MYH8: variants seen among roughly 807,000 people sequenced by gnomAD.
MYH8 encodes myosin-8.
MYH8 carries 168 observed loss-of-function variants against 233.2 expected under a neutral mutation model. The observed-to-expected ratio is 0.72, with a 90% CI of 0.64 to 0.82. The LOEUF (loss-of-function observed/expected upper bound fraction) is 0.82, where lower values mean the gene tolerates loss of function less well. MYH8 is among the 40% of genes least tolerant of loss of function. MYH8 has a pLI of 0.00. For synonymous variants in MYH8, 785 were observed against 850.6 expected (o/e 0.92, Z 1.34); for missense variants, 1,995 against 2,327.8 (o/e 0.86, Z 2.94).
At position 10,419,132 on chromosome 17, in the gene MYH8, ACTGCAAC is replaced by A. The variant is rs1394425750; in HGVS notation, c.211-109_211-103del. The A allele has an allele frequency of 4.4e-6, 6 of 1,353,288 alleles. No homozygotes were observed. The highest frequency in any genetic ancestry group is 1.0e-6 in the Non-Finnish European group (1 of 960,980). The allele number at this position is 1,353,288 out of a possible 1,614,324, so 83.8% of individuals were successfully genotyped here. On this transcript the variant is annotated intron_variant, in intron 3 of 39. Coordinates refer to ENST00000403437, the MANE Select transcript of MYH8 (RefSeq NM_002472.3). This position sits in a 1 kb window ranked among gnomAD's most constrained non-coding sequence, Gnocchi z 4.0. ...GAGTGCAGTGGCGCGATCTCAGCTC[ACTGCAAC>A]CTCCGCCCTCCTGCTTCAAGTGATT...
intron 5 of MYH8, among the ~76,000 whole-genome samples, chr17:10,418,066 T>C (rs1440881373): frequency 1.3e-5 from 2 of 152,220 alleles, no homozygotes; most frequent in Admixed American, 1.3e-4. Flanking sequence ...TAACAGACTT[T>C]GATACAATTT....
In MYH8 at chr17:10,404,457, G is replaced by T. The variant is rs777836357; in HGVS notation, c.2561C>A (p.Thr854Asn). Residue 854 changes from threonine (T) to asparagine (N), a missense_variant, in exon 22 of 40, where the codon ACC becomes AAC. Transcript: ENST00000403437. ...GGTTTTCTGGAATTCTTCCTTCATG[G>T]TGGCCATCTCTTTCTCGGTCTCTGC... ...KSAETEKEMA[T>N]MKEEFQKTKD... 1 of 1,613,752 alleles carries T rather than the reference G, an allele frequency of 6.2e-7. No individual in the cohort carries two copies. Among genetic ancestry groups the T allele is most frequent in the South Asian group, 1.1e-5 (1 of 91,054 alleles).
chr17:10,397,030 A>C (rs2072085981), intron 30 of MYH8, 44 bp from the exon 31 acceptor site: 2 of 1,601,980 alleles, frequency 1.2e-6, no homozygotes, highest in East Asian at 4.5e-5. Flanking sequence ...CAAGACCAGA[A>C]GCAAAGTGAT....
chr17:10,401,009 G>T, intron 25 of MYH8, 37 bp downstream of exon 25: 1 of 1,613,286 alleles, frequency 6.2e-7, no homozygotes, highest in Non-Finnish European at 8.5e-7. Flanking sequence ...ATTGAAAGAT[G>T]ATATCACATA....
Position 10,396,817 on chromosome 17 carries a change from T to A in MYH8, c.4348A>T (p.Arg1450Trp), listed in dbSNP as rs1435075312. Residue 1450 changes from arginine to tryptophan, a missense_variant, in exon 31 of 40, where the codon AGG (arginine) becomes TGG (tryptophan). Arg to Trp is a moderately radical substitution (Grantham distance 101, BLOSUM62 -3). Around this residue, in one of 3 missense-constraint regions of MYH8, gnomAD observed 1,498 missense variants for 1,680.9 expected, o/e 0.89. Coordinates refer to ENST00000403437, the MANE Select transcript of MYH8 (RefSeq NM_002472.3). This position sits in a 1 kb window ranked among gnomAD's most constrained non-coding sequence, Gnocchi z 4.2. ...GTCTGGGCCACCTTGTCAAAGTTCC[T>A]TTGCTTCTTATCAAGGGCTGCACAG... Reference protein sequence around the residue: ...AACAALDKKQRNFDKVLSEWK... With the variant: ...AACAALDKKQWNFDKVLSEWK... 1 of 1,614,214 alleles carries A rather than the reference T, an allele frequency of 6.2e-7. No individual in the cohort carries two copies.
Position 10,406,303 on chromosome 17 carries a change from G to C in MYH8, c.2266C>G (p.His756Asp), listed in dbSNP as rs560062462. The change falls in exon 20 of 40, where the codon CAT becomes GAT. Residue 756 changes from histidine (H) to aspartate (D), a missense_variant. Transcript: ENST00000403437. ...GTATGTCCAAATTTATATTGAGTAT[G>C]ATCAATATCAATAGATGCAAGAAGT... ...EKLLASIDIDHTQYKFGHTKV... is the reference protein window; with the variant it reads ...EKLLASIDIDDTQYKFGHTKV... The C allele has an allele frequency of 6.2e-7, 1 of 1,613,282 alleles. No homozygotes were observed. The highest frequency in any genetic ancestry group is 2.2e-5 in the East Asian group (1 of 44,852).
intron 28 of MYH8, 108 bp from the exon 29 acceptor site, chr17:10,398,994 G>T: frequency 3.2e-6 from 1 of 311,540 alleles, no homozygotes. Flanking sequence ...ATGTGTGTGT[G>T]TATATATATA....
In MYH8 at chr17:10,410,923, T is replaced by C. The variant is rs755349321; in HGVS notation, c.1441A>G (p.Ile481Val). 4 of 1,614,142 alleles carry C rather than the reference T, an allele frequency of 2.5e-6. No individual in the cohort carries two copies. The highest frequency in any genetic ancestry group is 2.2e-5 in the South Asian group (2 of 91,066). ...TGCAGTTTCTCGTTGGTGAAGTTGA[T>C]GCACAGCTGCTCCAGGCTGTTAAAC... ...FDFNSLEQLC[I>V]NFTNEKLQQF... Residue 481 changes from isoleucine to valine, a missense_variant, in exon 15 of 40, where the codon ATC (isoleucine) becomes GTC (valine). Physicochemically the swap from Ile to Val is conservative, Grantham distance 29. Coordinates refer to ENST00000403437, the MANE Select transcript of MYH8 (RefSeq NM_002472.3).
Position 10,415,536 on chromosome 17 carries a change from A to T in MYH8, c.584T>A (p.Ile195Asn). The part of the protein sequence containing the change: ...AGKTVNTKRV[I>N]QYFATIAVTG... ...AACTGCAATTGTTGCAAAGTATTGG[A>T]TGACACGCTTGGTGTTCACAGTCTT... The change falls in exon 7 of 40, where the codon ATC becomes AAC. Residue 195 changes from isoleucine to asparagine, a missense_variant. By Grantham distance (149) the Ile-to-Asn change is moderately radical. Coordinates refer to ENST00000403437, the MANE Select transcript of MYH8 (RefSeq NM_002472.3). This position sits in a 1 kb window ranked among gnomAD's most constrained non-coding sequence, Gnocchi z 4.1. The T allele has an allele frequency of 6.2e-7, 1 of 1,614,206 alleles. No homozygotes were observed. Among genetic ancestry groups the T allele is most frequent in the African/African-American group, 1.3e-5 (1 of 75,060 alleles).
chr17:10,413,007 G>A (rs1008501537), intron 12 of MYH8, among the ~76,000 whole-genome samples: 3 of 152,186 alleles, frequency 2.0e-5, no homozygotes, highest in Non-Finnish European at 4.4e-5. Flanking sequence ...TTTTTTGTAA[G>A]TAAAAGCCAT....
intron 22 of MYH8, among the ~76,000 whole-genome samples, chr17:10,403,420 G>A (rs370375419): frequency 1.3e-5 from 2 of 151,992 alleles, no homozygotes; most frequent in Non-Finnish European, 2.9e-5. Context: ...TTTAAAAAAC[G>A]TTTAAATGGA....
chr17:10,397,251 A>G (rs1185437219), intron 30 of MYH8, among the ~76,000 whole-genome samples: 11 of 151,966 alleles, frequency 7.2e-5, no homozygotes, highest in Non-Finnish European at 1.2e-4. Flanking sequence ...TAATTTTTGT[A>G]TATATGTATA....
rs1300254188 is a variant in MYH8 at position 10,414,502 on chromosome 17, T to A, written c.806-18A>T. 1 of 1,538,520 alleles carries A rather than the reference T, an allele frequency of 6.5e-7. No individual in the cohort carries two copies. Among genetic ancestry groups the A allele is most frequent in the Non-Finnish European group, 9.0e-7 (1 of 1,112,130 alleles). On this transcript the variant is annotated intron_variant, in intron 9 of 39. Coordinates refer to ENST00000403437, the MANE Select transcript of MYH8 (RefSeq NM_002472.3). ...TAAAAGATCTGGAGAGGGAAATAGATATCGAGTTTGAAAAAAGTATCAATG... is the reference window on the plus strand; with the variant it reads ...TAAAAGATCTGGAGAGGGAAATAGAAATCGAGTTTGAAAAAAGTATCAATG...
rs61730805 is a variant in MYH8, at chr17:10,395,371, A to C, written c.4724T>G (p.Val1575Gly). Residue 1575 changes from valine to glycine, a missense_variant, in exon 34 of 40, where the codon GTT (valine) becomes GGT (glycine). Transcript: ENST00000403437. ...ATCCTTTTCTGCGATTTTTCTATCAACTTCAGACTTGACTTGGTTTAACTC... is the reference window on the plus strand; with the variant it reads ...ATCCTTTTCTGCGATTTTTCTATCACCTTCAGACTTGACTTGGTTTAACTC... ...QLELNQVKSE[V>G]DRKIAEKDEE... 1 of 1,614,126 alleles carries C rather than the reference A, an allele frequency of 6.2e-7. No individual in the cohort carries two copies. The highest frequency in any genetic ancestry group is 1.1e-5 in the South Asian group (1 of 91,080).
Position 10,414,434 on chromosome 17 carries a change from A to G in MYH8, c.856T>C (p.Tyr286His). Residue 286 changes from tyrosine to histidine, a missense_variant, in exon 10 of 40, where the codon TAC becomes CAC. Physicochemically the swap from Tyr to His is moderately conservative, Grantham distance 83. This residue lies in a region of MYH8 where 479 missense variants were observed against 600.9 expected (regional missense o/e 0.80). Transcript: ENST00000403437. ...GAAGTGATCTGATAAAAAATATGGTAGCTTCTTTCCGCCTTTAGCTGGAAA... is the reference window on the plus strand; with the variant it reads ...GAAGTGATCTGATAAAAAATATGGTGGCTTCTTTCCGCCTTTAGCTGGAAA... The part of the protein sequence containing the change: ...VTFQLKAERS[Y>H]HIFYQITSNK... The G allele has an allele frequency of 3.1e-6, 5 of 1,613,714 alleles. No homozygotes were observed. The highest frequency in any genetic ancestry group is 4.2e-6 in the Non-Finnish European group (5 of 1,179,638).
chr17:10,420,306 A>C, intron 2 of MYH8, 49 bp from the exon 3 acceptor site: 1 of 1,497,936 alleles, frequency 6.7e-7, no homozygotes, highest in South Asian at 1.2e-5. Context: ...CAGAAGTCAC[A>C]AATGTGAGTT....
rs1435028655 is a variant in MYH8, at chr17:10,420,261, G to C, written c.-30-4C>G. 1.2e-6 allele frequency: 2 copies of C among 1,608,786 alleles called. No individual in the cohort carries two copies. Among genetic ancestry groups the C allele is most frequent in the Admixed American group, 3.3e-5 (2 of 59,894 alleles). On this transcript the variant is annotated splice_region_variant and splice_polypyrimidine_tract_variant and intron_variant, in intron 2 of 39. Coordinates refer to ENST00000403437, the MANE Select transcript of MYH8 (RefSeq NM_002472.3). ...TTTATTTAGCAAAGGATTCTGCCTA[G>C]GGAGGAGAGAAACGGGAGAGAGAGA...
At chr17:10,395,616 A>T (rs1190176562) in intron 33 of MYH8, among the ~76,000 whole-genome samples, 175 bp from the exon 34 acceptor site, 29 of 152,174 alleles carry the variant, frequency 1.9e-4, no homozygotes, top group Non-Finnish European at 3.7e-4. Flanking sequence ...GACAGATTAT[A>T]TAGGGCAGCT....
At position 10,409,719 on chromosome 17, in the gene MYH8, C is replaced by G; in HGVS notation, c.1588-131G>C. The G allele has an allele frequency of 3.3e-6, 4 of 1,229,642 alleles. No individual in the cohort carries two copies. In the South Asian group the frequency reaches 5.3e-5, roughly 16 times the overall value. 76.2% of individuals were successfully genotyped at this position (1,229,642 alleles called of 1,614,324 possible). On this transcript the variant is annotated intron_variant, in intron 15 of 39. Transcript: ENST00000403437. ...TATGAAATAAACCAGGGTCACAGCT[C>G]GAAGAAGTCCCTTGTTATCACTAGA...
Sources: gnomAD v4.1 joint callset for allele counts (sites outside exome capture counted in the v4.1 genomes callset) on GRCh38, gnomAD v4.1.1 for gene constraint, gnomAD v4.1.1 regional missense constraint, Gnocchi (gnomAD v3.1) non-coding constraint, MANE v1.5 for transcripts, NCBI Gene and HGNC (gene_info 2026-07-23, HGNC 2026-07-21) for gene names.